PCSK1: variants seen among roughly 807,000 people sequenced by gnomAD.
The protein encoded by PCSK1 is proprotein convertase subtilisin/kexin type 1.
In PCSK1, 56 loss-of-function variants were observed where a neutral mutation model predicts 90.6. The ratio of observed to expected loss-of-function variants is 0.62; its 90% CI spans 0.50 to 0.77. PCSK1 has a LOEUF of 0.77. PCSK1 is among the 30% of genes least tolerant of loss of function. The probability of loss-of-function intolerance (pLI) is 0.00; values close to 1 mark genes in which losing one functional copy is unlikely to be tolerated. For missense variants in PCSK1, 801 were observed against 932.6 expected, an observed-to-expected ratio of 0.86 and a Z score of 1.84; for synonymous variants, 348 against 342.4, an observed-to-expected ratio of 1.02 and a Z score of -0.18.
Position 96,432,857 on chromosome 5 carries a change from T to TC in PCSK1, c.180+5dup. On this transcript the variant is annotated splice_donor_region_variant and intron_variant, in intron 1 of 13. Transcript: ENST00000311106. ...CAGAAAGTTTCTTGAAAGTGGAAACTCTTACCTGACCCAAAAGGTCATAGC... is the reference window on the plus strand; with the variant it reads ...CAGAAAGTTTCTTGAAAGTGGAAACTCCTTACCTGACCCAAAAGGTCATAGC... 1 of 1,612,750 alleles carries TC rather than the reference T, an allele frequency of 6.2e-7. No homozygotes were observed. The highest frequency in any genetic ancestry group is 8.5e-7 in the Non-Finnish European group (1 of 1,179,626).
chr5:96,403,685 G>A (rs1456680832), intron 9 of PCSK1, among the ~76,000 whole-genome samples: 1 of 152,208 alleles, frequency 6.6e-6, no homozygotes, highest in South Asian at 2.1e-4. Flanking sequence ...AGAGATGTAG[G>A]TAATGTAATT....
At position 96,412,638 on chromosome 5, in the gene PCSK1, A is replaced by G. The variant is rs145164842; in HGVS notation, c.710-148T>C. The G allele has an allele frequency of 1.0e-4, 78 of 749,950 alleles. No individual in the cohort carries two copies. In the African/African-American group the frequency reaches 1.3e-3, roughly 12 times the overall value. The allele number at this position is 749,950 out of a possible 1,614,324, so 46.5% of individuals were successfully genotyped here. ...TAGATAGATGTCCCCAATTTCTGTA[A>G]CCCAGCTACTGACACCACAGAAGGA... On this transcript the variant is annotated intron_variant, in intron 6 of 13. Transcript: ENST00000311106.
At chr5:96,421,990 CATT>C in intron 4 of PCSK1, 34 bp from the exon 5 acceptor site, 2 of 484,544 alleles carry the variant, frequency 4.1e-6, no homozygotes, top group East Asian at 3.7e-5. Flanking sequence ...ACTGTGGCAG[CATT>C]AAAAAAAAAA....
chr5:96,409,685 C>T (rs1760689075), intron 8 of PCSK1, among the ~76,000 whole-genome samples: 1 of 152,212 alleles, frequency 6.6e-6, no homozygotes, highest in Non-Finnish European at 1.5e-5. Context: ...TGACAACAGC[C>T]AGGGGCTCTG....
intron 6 of PCSK1, chr5:96,412,896 C>T (rs1760818022): frequency 3.1e-6 from 2 of 637,232 alleles, no homozygotes; most frequent in Non-Finnish European, 4.0e-6. Flanking sequence ...TTTGCCCTCC[C>T]TCCCACCCCA....
At chr5:96,400,651 T>A (rs1251933581) in intron 9 of PCSK1, among the ~76,000 whole-genome samples, 2 of 152,238 alleles carry the variant, frequency 1.3e-5, no homozygotes, top group Non-Finnish European at 2.9e-5. Flanking sequence ...AGACACAGAC[T>A]GGCTACCTGC....
intron 5 of PCSK1, among the ~76,000 whole-genome samples, chr5:96,416,993 T>C (rs1760957048): frequency 6.6e-6 from 1 of 152,220 alleles, no homozygotes; most frequent in Admixed American, 6.5e-5. Flanking sequence ...TTCGTGATTT[T>C]ATTCTATTGT....
intron 6 of PCSK1, chr5:96,412,877 T>C (rs996659676): frequency 1.5e-5 from 12 of 819,292 alleles, no homozygotes; most frequent in Non-Finnish European, 1.7e-5. Context: ...TGTTGTCAAT[T>C]ACAAAATGTT....
chr5:96,416,736 G>A (rs1760948795), intron 5 of PCSK1, among the ~76,000 whole-genome samples: 1 of 152,168 alleles, frequency 6.6e-6, no homozygotes, highest in African/African-American at 2.4e-5. Flanking sequence ...CAGCTAATTG[G>A]AAAGCCAAGA....
intron 9 of PCSK1, among the ~76,000 whole-genome samples, chr5:96,403,090 G>T (rs1429766092): frequency 6.6e-6 from 1 of 152,112 alleles, no homozygotes; most frequent in Admixed American, 6.5e-5. Context: ...GAGGCTTAAG[G>T]CAAGGTGCTG....
chr5:96,429,886 A>G (rs1349320838), intron 1 of PCSK1, among the ~76,000 whole-genome samples: 1 of 152,178 alleles, frequency 6.6e-6, no homozygotes, highest in Admixed American at 6.5e-5. Context: ...TTTTACACAC[A>G]TTGGAGGAAA....
chr5:96,414,222 C>A (rs976267702), intron 6 of PCSK1, among the ~76,000 whole-genome samples: 1 of 151,876 alleles, frequency 6.6e-6, no homozygotes, highest in Non-Finnish European at 1.5e-5. Flanking sequence ...GCCTCAGTTT[C>A]TTCAACTGTA....
rs150991567 is a variant in PCSK1, at chr5:96,416,067, G to T, written c.675C>A (p.Cys225Ter). 1 of 1,612,564 alleles carries T rather than the reference G, an allele frequency of 6.2e-7. No homozygotes were observed. Among genetic ancestry groups the T allele is most frequent in the Non-Finnish European group, 8.5e-7 (1 of 1,178,672 alleles). Residue 225 changes from cysteine to a stop codon, truncating the protein, a stop_gained, in exon 6 of 14, where the codon TGC becomes TGA. Transcript: ENST00000311106. LOFTEE classifies it high-confidence loss of function. ...TGGAATTGTATGCAACTCCAACCCC[G>T]CATTTGTGATTATTTGCTTGCATGG... ...EIAMQANNHKCGVGVAYNSKV... is the reference protein window; with the variant it reads ...EIAMQANNHK
chr5:96,415,114 T>C (rs1277227939), intron 6 of PCSK1, among the ~76,000 whole-genome samples: 7 of 152,202 alleles, frequency 4.6e-5, no homozygotes. Flanking sequence ...TGGGATAGCA[T>C]AAAGAGGAGA....
At chr5:96,395,650 G>A (rs1033970434) in intron 12 of PCSK1, among the ~76,000 whole-genome samples, 1 of 152,112 alleles carries the variant, frequency 6.6e-6, no homozygotes, top group Non-Finnish European at 1.5e-5. Context: ...AGGGAGTAGG[G>A]GGCAAGGGGA....
At chr5:96,431,272 G>C (rs774498130) in intron 1 of PCSK1, among the ~76,000 whole-genome samples, 1 of 152,128 alleles carries the variant, frequency 6.6e-6, no homozygotes, top group Non-Finnish European at 1.5e-5. Flanking sequence ...CCCACAAGCT[G>C]TTTTCTATGC....
intron 9 of PCSK1, among the ~76,000 whole-genome samples, chr5:96,401,612 A>G (rs1391808): frequency 0.019 from 2,884 of 152,304 alleles, 89 homozygotes; most frequent in African/African-American, 0.067. Context: ...GCCTTCCTTG[A>G]TCAGCCTATT....
chr5:96,406,096 T>C (rs964975294), intron 9 of PCSK1, among the ~76,000 whole-genome samples: 1 of 152,148 alleles, frequency 6.6e-6, no homozygotes, highest in Non-Finnish European at 1.5e-5. Flanking sequence ...GGATTACCTA[T>C]GCAGGCTGAC....
At chr5:96,425,730 A>T (rs1761286218) in intron 3 of PCSK1, 90 bp downstream of exon 3, 2 of 128,834 alleles carry the variant, frequency 1.6e-5, no homozygotes, top group Non-Finnish European at 2.4e-5. Context: ...CTCCATCATA[A>T]AAAAAAAAAA....
Sources: gnomAD v4.1 joint callset for allele counts (sites outside exome capture counted in the v4.1 genomes callset) on GRCh38, gnomAD v4.1.1 for gene constraint, MANE v1.5 for transcripts, NCBI Gene and HGNC (gene_info 2026-07-23, HGNC 2026-07-21) for gene names.